Variants in PRKCB observed in about 807,000 individuals in gnomAD.
The protein encoded by PRKCB is protein kinase C beta.
PRKCB carries 13 observed loss-of-function variants against 81.5 expected under a neutral mutation model. The ratio of observed to expected loss-of-function variants is 0.16; its 90% CI spans 0.10 to 0.25. The LOEUF (loss-of-function observed/expected upper bound fraction) is 0.25. PRKCB is among the 10% of genes least tolerant of loss of function. The probability of loss-of-function intolerance (pLI) is 1.00; values close to 1 mark genes in which losing one functional copy is unlikely to be tolerated. For synonymous variants in PRKCB, 335 were observed against 321.4 expected, an observed-to-expected ratio of 1.04 and a Z score of -0.45; for missense variants, 509 against 875.7, an observed-to-expected ratio of 0.58 and a Z score of 5.29.
intron 2 of PRKCB, among the ~76,000 whole-genome samples, chr16:23,964,383 C>T (rs139611760): frequency 7.2e-5 from 11 of 152,300 alleles, no homozygotes; most frequent in South Asian, 2.1e-4. Flanking sequence ...GCTGCCTTTG[C>T]GCTACAAGGA....
chr16:24,043,722 C>T (rs190850796), intron 5 of PRKCB, among the ~76,000 whole-genome samples: 88 of 152,262 alleles, frequency 5.8e-4, no homozygotes, highest in African/African-American at 1.9e-3. Flanking sequence ...CAAGGCCAGG[C>T]CAGCGTCTGA....
chr16:24,124,870 A>G (rs1966840015), intron 9 of PRKCB, among the ~76,000 whole-genome samples: 1 of 152,142 alleles, frequency 6.6e-6, no homozygotes, highest in Non-Finnish European at 1.5e-5. Flanking sequence ...CGCCCCCCAC[A>G]GCCATGTACA....
rs1306385152 is a variant in PRKCB, at chr16:24,219,871, A to G, written c.*5055A>G. 2 of 1,506,218 alleles carry G rather than the reference A, an allele frequency of 1.3e-6. No homozygotes were observed. The highest frequency in any genetic ancestry group is 4.9e-5 in the East Asian group (2 of 41,008). The allele number at this position is 1,506,218 out of a possible 1,614,324, so 93.3% of individuals were successfully genotyped here. A position where few individuals can be genotyped will look rare whatever the true frequency, so the allele number is the denominator to read the frequency against. Reference sequence around the variant, plus strand: ...AGGGCTCTTTCTGACTCTGCTCATGAGATGGTATCAGCCACCCAATGACTG... The same window carrying G: ...AGGGCTCTTTCTGACTCTGCTCATGGGATGGTATCAGCCACCCAATGACTG... On this transcript the variant is annotated 3_prime_UTR_variant, in exon 17 of 17. Coordinates refer to ENST00000643927, the MANE Select transcript of PRKCB (RefSeq NM_002738.7).
chr16:24,151,400 G>A (rs1967078162), intron 9 of PRKCB, among the ~76,000 whole-genome samples: 2 of 152,320 alleles, frequency 1.3e-5, no homozygotes, highest in Non-Finnish European at 2.9e-5. Flanking sequence ...TTCAAATTTA[G>A]TTAAGTTGAA....
intron 16 of PRKCB, among the ~76,000 whole-genome samples, chr16:24,206,318 A>G (rs566965431): frequency 6.6e-6 from 1 of 152,290 alleles, no homozygotes; most frequent in African/African-American, 2.4e-5. Flanking sequence ...ACGACCCTGC[A>G]TTTCACTGGA....
At chr16:24,118,929 C>G (rs906226917) in intron 8 of PRKCB, among the ~76,000 whole-genome samples, 1 of 152,050 alleles carries the variant, frequency 6.6e-6, no homozygotes, top group Non-Finnish European at 1.5e-5. Flanking sequence ...GGGCCACAAA[C>G]CCAGGTGTTT....
intron 3 of PRKCB, among the ~76,000 whole-genome samples, chr16:24,027,635 C>A (rs1020473555): frequency 6.6e-6 from 1 of 152,184 alleles, no homozygotes; most frequent in Non-Finnish European, 1.5e-5. Flanking sequence ...CTTCATCTGC[C>A]TGACTGCAGA....
chr16:24,061,520 C>T (rs1965973188), intron 5 of PRKCB, among the ~76,000 whole-genome samples: 1 of 152,174 alleles, frequency 6.6e-6, no homozygotes, highest in Non-Finnish European at 1.5e-5. Context: ...GGAGCCATCA[C>T]TAGCAATGGC....
At chr16:24,039,037 G>A (rs1040568112) in intron 5 of PRKCB, among the ~76,000 whole-genome samples, 5 of 152,034 alleles carry the variant, frequency 3.3e-5, no homozygotes, top group African/African-American at 1.2e-4. Context: ...CCCTCATAAT[G>A]GGATTTGTGG....
chr16:23,944,852 A>C (rs1489934274), intron 2 of PRKCB, among the ~76,000 whole-genome samples: 2 of 152,228 alleles, frequency 1.3e-5, no homozygotes, highest in Non-Finnish European at 2.9e-5. Context: ...GACTAGCTTC[A>C]TGTCAGCATT....
chr16:23,858,484 T>C (rs1962609647), intron 2 of PRKCB, among the ~76,000 whole-genome samples: 1 of 151,794 alleles, frequency 6.6e-6, no homozygotes, highest in African/African-American at 2.4e-5. Context: ...TGAATGAAAC[T>C]GGCAACATTT....
At chr16:23,964,208 G>A (rs1964459251) in intron 2 of PRKCB, among the ~76,000 whole-genome samples, 2 of 152,248 alleles carry the variant, frequency 1.3e-5, no homozygotes, top group African/African-American at 4.8e-5. Flanking sequence ...GTAGCTGGCA[G>A]TGAAGATGGG....
intron 3 of PRKCB, among the ~76,000 whole-genome samples, chr16:24,004,081 A>G (rs1233565394): frequency 6.6e-6 from 1 of 152,250 alleles, no homozygotes; most frequent in Non-Finnish European, 1.5e-5. Context: ...TATGATCAAT[A>G]TAACAAAATA....
chr16:24,181,789 A>AAAAAAAAAAGAAG (rs1013403340), intron 13 of PRKCB, among the ~76,000 whole-genome samples: 1 of 138,808 alleles, frequency 7.2e-6, no homozygotes, highest in East Asian at 2.4e-4. Context: ...AAAAAAAAAA[A>AAAAAAAAAAGAAG]AAGAAGAAGA....
At chr16:24,194,546 T>C (rs1967851089) in intron 16 of PRKCB, among the ~76,000 whole-genome samples, 1 of 152,164 alleles carries the variant, frequency 6.6e-6, no homozygotes, top group Non-Finnish European at 1.5e-5. Flanking sequence ...GCAATGGTTA[T>C]TTACAACCAG....
chr16:24,088,963 A>G (rs1345721781), intron 5 of PRKCB, among the ~76,000 whole-genome samples: 1 of 152,072 alleles, frequency 6.6e-6, no homozygotes, highest in East Asian at 1.9e-4. Context: ...TGTGTTACCA[A>G]TCAACCAGAC....
At chr16:23,869,025 T>A (rs992160308) in intron 2 of PRKCB, 9 of 428,878 alleles carry the variant, frequency 2.1e-5, no homozygotes, top group African/African-American at 1.8e-4. Flanking sequence ...CTGTGGTGGA[T>A]TGTGTTGTTG....
intron 2 of PRKCB, among the ~76,000 whole-genome samples, chr16:23,905,534 C>T (rs1450975162): frequency 6.6e-6 from 1 of 152,206 alleles, no homozygotes; most frequent in Non-Finnish European, 1.5e-5. Context: ...CCAACTTATC[C>T]TAAAACACTA....
At chr16:24,071,698 C>A (rs571982431) in intron 5 of PRKCB, among the ~76,000 whole-genome samples, 1 of 152,172 alleles carries the variant, frequency 6.6e-6, no homozygotes, top group Admixed American at 6.5e-5. Context: ...GTCCTGGACA[C>A]TAGATCCCAT....
Sources: gnomAD v4.1 joint callset for allele counts (sites outside exome capture counted in the v4.1 genomes callset) on GRCh38, gnomAD v4.1.1 for gene constraint, MANE v1.5 for transcripts, NCBI Gene and HGNC (gene_info 2026-07-23, HGNC 2026-07-21) for gene names.